Variants in MACF1 observed in about 807,000 individuals in gnomAD.
MACF1 encodes microtubule-actin cross-linking factor 1.
MACF1 carries 193 observed loss-of-function variants against 854.8 expected under a neutral mutation model. The observed-to-expected ratio is 0.23, with a 90% CI of 0.20 to 0.25. The LOEUF is 0.25. Among genes scored for constraint, MACF1 ranks in the 10% least tolerant of loss-of-function variants. MACF1 has a pLI of 1.00. For missense variants in MACF1, 7,722 were observed against 8,929.1 expected (o/e 0.86, Z 5.45); for synonymous variants, 3,185 against 3,226.7 (o/e 0.99, Z 0.44).
chr1:39,224,950 T>G (rs1409195549), intron 1 of MACF1, among the ~76,000 whole-genome samples: 1 of 152,156 alleles, frequency 6.6e-6, no homozygotes, highest in Non-Finnish European at 1.5e-5. Flanking sequence ...TTTGGGAGGC[T>G]GAGGTGGGAG....
At chr1:39,286,288 A>G (rs1247843715) in intron 14 of MACF1, among the ~76,000 whole-genome samples, 3 of 152,156 alleles carry the variant, frequency 2.0e-5, no homozygotes, top group Admixed American at 6.6e-5. Flanking sequence ...TGCTGGGATT[A>G]TAGGCGTGAA....
chr1:39,383,000 A>G (rs1650377197), intron 56 of MACF1, among the ~76,000 whole-genome samples: 1 of 152,142 alleles, frequency 6.6e-6, no homozygotes, highest in African/African-American at 2.4e-5. Flanking sequence ...AGGTGCCTGT[A>G]GTCCCAGCTA....
chr1:39,292,134 G>A (rs1645802799), intron 16 of MACF1, 96 bp downstream of exon 16: 31 of 1,398,152 alleles, frequency 2.2e-5, no homozygotes, highest in Non-Finnish European at 2.4e-5. Flanking sequence ...GGAGGAGGGT[G>A]CTCTGGAAAA....
At chr1:39,243,511 C>G (rs943058872) in intron 2 of MACF1, among the ~76,000 whole-genome samples, 5 of 152,194 alleles carry the variant, frequency 3.3e-5, no homozygotes, top group African/African-American at 1.2e-4. Flanking sequence ...AAGCAACCCT[C>G]CCACCTCAGA....
chr1:39,295,556 C>G (rs1645882713), intron 19 of MACF1, among the ~76,000 whole-genome samples: 1 of 152,204 alleles, frequency 6.6e-6, no homozygotes, highest in Non-Finnish European at 1.5e-5. Flanking sequence ...TTACTTACAA[C>G]TGAGTGTGGA....
chr1:39,220,953 C>T (rs764225774), intron 1 of MACF1, among the ~76,000 whole-genome samples: 29 of 152,098 alleles, frequency 1.9e-4, no homozygotes, highest in Non-Finnish European at 3.1e-4. Flanking sequence ...CTGACATGTC[C>T]GGAAAGGTGT....
At chr1:39,331,083 G>A in intron 36 of MACF1, 120 bp from the exon 37 acceptor site, 1 of 1,371,264 alleles carries the variant, frequency 7.3e-7, no homozygotes, top group Non-Finnish European at 9.5e-7. Flanking sequence ...ACTGTGCCTG[G>A]CCTGTATACT....
In MACF1 at chr1:39,337,366, C is replaced by T. The variant is rs540510806; in HGVS notation, c.10215+35C>T. 13 of 1,605,400 alleles carry T rather than the reference C, an allele frequency of 8.1e-6. No homozygotes were observed. In the Admixed American group the frequency reaches 2.0e-4, roughly 25 times the overall value. Reference sequence around the variant, plus strand: ...CAGAGACTTCCACCACAGACACCAGCTTCAAGATAGCTGCCTCCATCTTCC... The same window carrying T: ...CAGAGACTTCCACCACAGACACCAGTTTCAAGATAGCTGCCTCCATCTTCC... On this transcript the variant is annotated intron_variant, in intron 38 of 100. Transcript: ENST00000564288.
rs367990338 is a variant in MACF1 at position 39,302,977 on chromosome 1, C to G, written c.2688C>G (p.Thr896=). 4.3e-6 allele frequency: 7 copies of G among 1,613,968 alleles called. No homozygotes were observed. In the African/African-American group the frequency reaches 6.7e-5, roughly 15 times the overall value. ...ECVLEDNSQR[T]KWKVISPTGN... The stretch of plus-strand genomic sequence containing the variant: ...TGCTAGAAGATAATTCTCAGCGGAC[C>G]AAATGGAAAGTGATCAGCCCCACAG... The change falls in exon 23 of 101, where the codon ACC becomes ACG. Residue 896 remains threonine (T), a synonymous_variant. Coordinates refer to ENST00000564288, the MANE Select transcript of MACF1 (RefSeq NM_001394062.1).
chr1:39,252,042 A>C (rs1345781997), intron 4 of MACF1, 101 bp downstream of exon 4: 1 of 663,602 alleles, frequency 1.5e-6, no homozygotes, highest in Non-Finnish European at 2.2e-6. Flanking sequence ...TTCAGTTACT[A>C]TTTGCCACCT....
intron 6 of MACF1, among the ~76,000 whole-genome samples, chr1:39,263,081 T>G (rs1368269979): frequency 2.0e-5 from 3 of 152,054 alleles, no homozygotes; most frequent in Non-Finnish European, 2.9e-5. Flanking sequence ...TTAGCTGTTC[T>G]CACCAAGAAC....
intron 1 of MACF1, among the ~76,000 whole-genome samples, chr1:39,212,674 G>A (rs1644530805): frequency 6.6e-6 from 1 of 152,202 alleles, no homozygotes; most frequent in African/African-American, 2.4e-5. Flanking sequence ...CCCGGCTGGA[G>A]TGCAGTGGCG....
In MACF1 at chr1:39,485,881, T is replaced by C. The variant is rs1645095599; in HGVS notation, c.*87T>C. ...TATTTATTCTGAACGGGAGAAGTTA[T>C]ATTGTTAAAAGTGTAAAAGAATAAT... On this transcript the variant is annotated 3_prime_UTR_variant, in exon 101 of 101. Transcript: ENST00000564288. 3.7e-6 allele frequency: 5 copies of C among 1,350,932 alleles called. No homozygotes were observed. The highest frequency in any genetic ancestry group is 3.9e-6 in the Non-Finnish European group (4 of 1,028,544). 83.7% of individuals were successfully genotyped at this position (1,350,932 alleles called of 1,614,324 possible). A position where few individuals can be genotyped will look rare whatever the true frequency, so the allele number is the denominator to read the frequency against.
At chr1:39,431,230 C>T (rs1166489126) in intron 66 of MACF1, among the ~76,000 whole-genome samples, 1 of 152,144 alleles carries the variant, frequency 6.6e-6, no homozygotes, top group African/African-American at 2.4e-5. Flanking sequence ...GGTCCAAATG[C>T]ACCACAATCT....
intron 6 of MACF1, among the ~76,000 whole-genome samples, chr1:39,275,789 C>G (rs1206427356): frequency 6.6e-6 from 1 of 152,154 alleles, no homozygotes; most frequent in Non-Finnish European, 1.5e-5. Flanking sequence ...AAGGAGCACT[C>G]CCTTTTACCT....
intron 33 of MACF1, 149 bp downstream of exon 33, chr1:39,323,157 T>TGTAGAG: frequency 1.4e-6 from 1 of 697,780 alleles, no homozygotes; most frequent in Non-Finnish European, 2.6e-6. Flanking sequence ...ATGGGTGACA[T>TGTAGAG]AGGGAAATCC....
intron 63 of MACF1, among the ~76,000 whole-genome samples, chr1:39,428,854 C>T (rs1486001048): frequency 6.6e-6 from 1 of 151,924 alleles, no homozygotes; most frequent in Non-Finnish European, 1.5e-5. Context: ...AGTTTTTAAC[C>T]AGGATTCTGA....
At chr1:39,305,983 T>G (rs544561232) in intron 23 of MACF1, among the ~76,000 whole-genome samples, 2 of 152,304 alleles carry the variant, frequency 1.3e-5, no homozygotes, top group South Asian at 4.1e-4. Context: ...GATTGTGTGT[T>G]TGTTTATTCT....
At chr1:39,340,402 AGT>A (rs752271408) in intron 38 of MACF1, 98 bp from the exon 39 acceptor site, 47 of 788,730 alleles carry the variant, frequency 6.0e-5, no homozygotes, top group African/African-American at 1.4e-4. Flanking sequence ...TAAGCCCTAA[AGT>A]GTGTGTAGAC....
Sources: allele counts gnomAD v4.1 joint callset (sites outside exome capture counted in the v4.1 genomes callset), GRCh38; gene constraint gnomAD v4.1.1; transcripts MANE v1.5; gene names NCBI Gene and HGNC (gene_info 2026-07-23, HGNC 2026-07-21).